The following KCNN2 variants were observed in gnomAD, a reference collection of about 807,000 sequenced individuals.
The protein encoded by KCNN2 is potassium calcium-activated channel subfamily N member 2.
KCNN2 carries 24 observed loss-of-function variants against 55.5 expected under a neutral mutation model. The observed-to-expected ratio is 0.43, with a 90% CI of 0.31 to 0.61. The LOEUF (loss-of-function observed/expected upper bound fraction) is 0.61, where lower values mean the gene tolerates loss of function less well. KCNN2 is among the 20% of genes least tolerant of loss of function. The probability of loss-of-function intolerance (pLI) is 0.08; values close to 1 mark genes in which losing one functional copy is unlikely to be tolerated. For missense variants in KCNN2, 754 were observed against 853.6 expected (o/e 0.88, Z 1.45); for synonymous variants, 431 against 336.1 (o/e 1.28, Z -3.09).
At chr5:114,087,221 G>T (rs935153685) in intron 1 of KCNN2, among the ~76,000 whole-genome samples, 1 of 151,974 alleles carries the variant, frequency 6.6e-6, no homozygotes, top group Non-Finnish European at 1.5e-5. Flanking sequence ...CTCCCATTCT[G>T]TAGTTTTGTG....
chr5:114,422,181 T>C (rs1759490797), intron 3 of KCNN2, among the ~76,000 whole-genome samples: 1 of 152,194 alleles, frequency 6.6e-6, no homozygotes, highest in South Asian at 2.1e-4. Flanking sequence ...AAGGGGGCTA[T>C]TTTAGACACG....
chr5:114,349,252 A>G (rs1757166836), intron 2 of KCNN2, among the ~76,000 whole-genome samples: 1 of 152,058 alleles, frequency 6.6e-6, no homozygotes, highest in African/African-American at 2.4e-5. Context: ...TTACTGGTGA[A>G]TAATATTCTA....
At chr5:114,173,047 C>A (rs578134654) in intron 1 of KCNN2, among the ~76,000 whole-genome samples, 5 of 151,964 alleles carry the variant, frequency 3.3e-5, no homozygotes, top group African/African-American at 1.2e-4. Flanking sequence ...TATTTTCTTT[C>A]AGGAGTTTTG....
intron 4 of KCNN2, among the ~76,000 whole-genome samples, chr5:114,472,231 G>T (rs1421636439): frequency 7.8e-6 from 1 of 127,830 alleles, no homozygotes; most frequent in Non-Finnish European, 1.9e-5. Context: ...CCAGCAAGTA[G>T]TTGCTCGTCT....
intron 1 of KCNN2, among the ~76,000 whole-genome samples, chr5:114,115,212 G>A (rs574849941): frequency 1.3e-5 from 2 of 152,186 alleles, no homozygotes; most frequent in East Asian, 3.9e-4. Context: ...GCAGCAAAAT[G>A]TTGACAATAA....
intron 1 of KCNN2, among the ~76,000 whole-genome samples, chr5:114,212,359 A>G (rs1753905716): frequency 6.6e-6 from 1 of 151,998 alleles, no homozygotes; most frequent in Admixed American, 6.6e-5. Context: ...TATAGAGATA[A>G]AGTAAATTAG....
chr5:114,453,210 A>G (rs1258292547), intron 3 of KCNN2, among the ~76,000 whole-genome samples: 1 of 152,166 alleles, frequency 6.6e-6, no homozygotes, highest in Non-Finnish European at 1.5e-5. Flanking sequence ...AAAACCCCAT[A>G]CACCTGCTTT....
intron 5 of KCNN2, among the ~76,000 whole-genome samples, chr5:114,480,332 A>C (rs1257513590): frequency 1.3e-5 from 2 of 152,312 alleles, no homozygotes; most frequent in African/African-American, 4.8e-5. Flanking sequence ...ATTCCTGAAT[A>C]GACCAATAAT....
chr5:114,126,456 T>C (rs1026151790), intron 1 of KCNN2, among the ~76,000 whole-genome samples: 1 of 152,072 alleles, frequency 6.6e-6, no homozygotes, highest in Non-Finnish European at 1.5e-5. Context: ...AAGCCCCTTA[T>C]AAAATCATCA....
chr5:114,129,910 T>C (rs1343116975), intron 1 of KCNN2, among the ~76,000 whole-genome samples: 1 of 152,190 alleles, frequency 6.6e-6, no homozygotes, highest in Non-Finnish European at 1.5e-5. Flanking sequence ...TCCAAACACA[T>C]CAAGCCCAAA....
At chr5:114,398,484 GTT>G (rs35191729) in intron 2 of KCNN2, among the ~76,000 whole-genome samples, 3 of 139,116 alleles carry the variant, frequency 2.2e-5, no homozygotes, top group Admixed American at 7.2e-5. Flanking sequence ...CAGTATTGTT[GTT>G]TTTTTTTTTT....
At chr5:114,108,395 C>T (rs1242364116) in intron 1 of KCNN2, among the ~76,000 whole-genome samples, 1 of 151,796 alleles carries the variant, frequency 6.6e-6, no homozygotes, top group Non-Finnish European at 1.5e-5. Context: ...TTAATTGAGG[C>T]ACAATTTATG....
At chr5:114,224,194 A>G (rs1016868732) in intron 2 of KCNN2, among the ~76,000 whole-genome samples, 3 of 152,196 alleles carry the variant, frequency 2.0e-5, no homozygotes, top group Admixed American at 6.5e-5. Context: ...ATAAGGAAAA[A>G]TGGATTTGAA....
chr5:114,330,847 G>T lies in KCNN2; in HGVS notation c.-184-30098G>T, dbSNP rs149555085. Among the ~76,000 whole-genome samples, 334 of 152,280 alleles carry T rather than the reference G, an allele frequency of 2.2e-3. 1 individual carries two copies. The highest frequency in any genetic ancestry group is 6.8e-3 in the Middle Eastern group (2 of 294). On this transcript the variant is annotated intron_variant, in intron 2 of 10. Coordinates refer to the KCNN2 transcript ENST00000512097. The stretch of plus-strand genomic sequence containing the variant: ...CTTTCTCATTAAACCATAGCTCCCT[G>T]CCAGATGGGATGACCTTGACTTACT...
At chr5:114,410,549 G>T (rs1474146695) in intron 3 of KCNN2, among the ~76,000 whole-genome samples, 1 of 152,126 alleles carries the variant, frequency 6.6e-6, no homozygotes, top group African/African-American at 2.4e-5. Flanking sequence ...AAGTTTTGGA[G>T]ATAGAAAGAA....
rs75850747 is a variant in KCNN2 at position 114,395,322 on chromosome 5, T to C, written c.1219-9116T>C. Among the ~76,000 whole-genome samples, 1,130 of 152,316 alleles carry C rather than the reference T, an allele frequency of 7.4e-3. 10 individuals are homozygous for C. Among genetic ancestry groups the C allele is most frequent in the Middle Eastern group, 0.034 (10 of 294 alleles). ...CTGAGCAAATACAAAACAGTCGCAC[T>C]GGAAAGTTCATGCTCATGGTGGGAC... On this transcript the variant is annotated intron_variant, in intron 2 of 7. Coordinates refer to ENST00000673685, the MANE Select transcript of KCNN2 (RefSeq NM_021614.4).
At chr5:114,317,347 C>T (rs568021996) in intron 2 of KCNN2, among the ~76,000 whole-genome samples, 1 of 151,926 alleles carries the variant, frequency 6.6e-6, no homozygotes, top group Non-Finnish European at 1.5e-5. Flanking sequence ...CTTGCCTTTT[C>T]TAATTCACTT....
intron 1 of KCNN2, among the ~76,000 whole-genome samples, chr5:114,199,841 C>T (rs1417747094): frequency 6.6e-6 from 1 of 152,032 alleles, no homozygotes; most frequent in Non-Finnish European, 1.5e-5. Flanking sequence ...ATCTCATTCT[C>T]TTTGAGACTG....
At chr5:114,104,987 G>A (rs2112574570) in intron 1 of KCNN2, among the ~76,000 whole-genome samples, 1 of 152,178 alleles carries the variant, frequency 6.6e-6, no homozygotes, top group East Asian at 1.9e-4. Flanking sequence ...GACTTTCCCA[G>A]TGTCACCTAT....
Sources: gnomAD v4.1 joint callset for allele counts (sites outside exome capture counted in the v4.1 genomes callset) on GRCh38, gnomAD v4.1.1 for gene constraint, MANE v1.5 for transcripts, NCBI Gene and HGNC (gene_info 2026-07-23, HGNC 2026-07-21) for gene names.